Variants in FRMPD4 observed in about 807,000 individuals in gnomAD.
The protein encoded by FRMPD4 is FERM and PDZ domain containing 4, also known as FERM and PDZ domain-containing protein 4.
A neutral mutation model predicts 94.1 loss-of-function variants in FRMPD4; 22 were observed. The ratio of observed to expected loss-of-function variants is 0.23; its 90% CI spans 0.17 to 0.33. FRMPD4 has a LOEUF of 0.33. FRMPD4 is among the 10% of genes least tolerant of loss of function. The pLI, the probability that FRMPD4 is intolerant of heterozygous loss-of-function variation, is 1.00. For synonymous variants in FRMPD4, 631 were observed against 548.6 expected (o/e 1.15, Z -2.10); for missense variants, 1,111 against 1,339.9 (o/e 0.83, Z 2.67).
chrX:12,152,851 G>A (rs1031126711), intron 1 of FRMPD4, among the ~76,000 whole-genome samples: 1 of 107,996 alleles, frequency 9.3e-6, no homozygotes, highest in African/African-American at 3.4e-5. Flanking sequence ...TCAAGATAAG[G>A]TTTTCTCTGA....
intron 3 of FRMPD4, among the ~76,000 whole-genome samples, chrX:12,048,256 G>A (rs1448902240): frequency 8.9e-6 from 1 of 112,266 alleles, no homozygotes; most frequent in Admixed American, 9.4e-5. Context: ...TATTAGTGAT[G>A]TGGATCTCAT....
At chrX:12,661,881 G>C (rs769785339) in intron 4 of FRMPD4, among the ~76,000 whole-genome samples, 8 of 112,094 alleles carry the variant, frequency 7.1e-5, no homozygotes, top group African/African-American at 2.3e-4. Context: ...TTCTGAAAAT[G>C]AAGGGCAACA....
At chrX:12,056,079 A>T (rs777377089) in intron 3 of FRMPD4, among the ~76,000 whole-genome samples, 2 of 111,796 alleles carry the variant, frequency 1.8e-5, no homozygotes, top group South Asian at 7.4e-4. Flanking sequence ...TTTTCAAACC[A>T]TTTTATGTGT....
intron 1 of FRMPD4, among the ~76,000 whole-genome samples, chrX:11,841,400 C>T (rs2053535620): frequency 9.2e-6 from 1 of 109,286 alleles, no homozygotes; most frequent in Non-Finnish European, 1.9e-5. Flanking sequence ...ACATCCTCTC[C>T]AGCACCTGTT....
chrX:12,098,488 CAGA>C lies in FRMPD4; in HGVS notation c.95+220476_95+220478del, dbSNP rs1415825122. Among the ~76,000 whole-genome samples, 4 of 112,190 alleles carry C rather than the reference CAGA, an allele frequency of 3.6e-5. No individual in the cohort carries two copies. In the Admixed American group the frequency reaches 3.8e-4, roughly 11 times the overall value. On this transcript the variant is annotated intron_variant, in intron 3 of 18. Transcript: ENST00000640291. Reference sequence around the variant, plus strand: ...TGAGTGGCCTCGTGGTCAAATAAAGCAGAAGAAGTATGTTCTAACTAAGTCTCA... The same window carrying C: ...TGAGTGGCCTCGTGGTCAAATAAAGCAGAAGTATGTTCTAACTAAGTCTCA...
intron 1 of FRMPD4, among the ~76,000 whole-genome samples, chrX:12,299,540 TC>T (rs2054826332): frequency 9.4e-6 from 1 of 106,747 alleles, no homozygotes; most frequent in Non-Finnish European, 1.9e-5. Context: ...TCTGATAAAT[TC>T]TGGAAGTTAT....
chrX:11,994,610 A>G (rs2054486974), intron 3 of FRMPD4, among the ~76,000 whole-genome samples: 1 of 111,633 alleles, frequency 9.0e-6, no homozygotes, highest in Admixed American at 9.5e-5. Context: ...GTTTGTCCTC[A>G]ATTTCTTATA....
intron 1 of FRMPD4, among the ~76,000 whole-genome samples, chrX:12,489,928 A>G (rs1171541005): frequency 1.8e-5 from 2 of 111,537 alleles, no homozygotes; most frequent in Non-Finnish European, 3.8e-5. Context: ...CAACAATGTT[A>G]TAAGTCCCAT....
chrX:12,258,749 T>C (rs2054149665), intron 1 of FRMPD4, among the ~76,000 whole-genome samples: 2 of 111,896 alleles, frequency 1.8e-5, no homozygotes, highest in Admixed American at 1.9e-4. Context: ...GTATACAATG[T>C]GTAATGATCA....
chrX:12,328,122 T>C (rs141794335), intron 1 of FRMPD4, among the ~76,000 whole-genome samples: 418 of 111,736 alleles, frequency 3.7e-3, no homozygotes, highest in African/African-American at 0.013. Flanking sequence ...GCTCTCTTCC[T>C]CACAAAGAAC....
At chrX:12,412,904 A>G (rs1281423803) in intron 1 of FRMPD4, among the ~76,000 whole-genome samples, 7 of 112,136 alleles carry the variant, frequency 6.2e-5, no homozygotes, top group South Asian at 7.6e-4. Context: ...GTAGCAGGAC[A>G]TAGACATAAA....
chrX:12,020,685 G>A (rs1427581580), intron 3 of FRMPD4, among the ~76,000 whole-genome samples: 3 of 111,962 alleles, frequency 2.7e-5, no homozygotes, highest in Admixed American at 9.5e-5. Flanking sequence ...GAAATTGCAC[G>A]AGAACAAATA....
At chrX:12,326,672 C>A (rs2055293155) in intron 1 of FRMPD4, among the ~76,000 whole-genome samples, 1 of 111,744 alleles carries the variant, frequency 8.9e-6, no homozygotes, top group African/African-American at 3.3e-5. Context: ...TTCAGTGAGG[C>A]ATAATAATAT....
chrX:12,581,534 C>T (rs2148378244), intron 2 of FRMPD4, among the ~76,000 whole-genome samples: 1 of 112,013 alleles, frequency 8.9e-6, no homozygotes, highest in Admixed American at 9.4e-5. Context: ...AGAAATTTTG[C>T]TTAAACTAAT....
In FRMPD4 at chrX:11,842,224, G is replaced by A. The variant is rs1386291084; in HGVS notation, c.-161+19509G>A. 3.9e-3 allele frequency among the ~76,000 whole-genome samples: 403 copies of A among 103,281 alleles called. 6 individuals carry two copies. The highest frequency in any genetic ancestry group is 0.014 in the African/African-American group (373 of 26,345). 89.7% of individuals were successfully genotyped at this position (103,281 alleles called of 115,157 possible). On this transcript the variant is annotated intron_variant, in intron 1 of 18. Transcript: ENST00000640291. Reference sequence around the variant, plus strand: ...TCTTTTGGCTTAGGATTGACTTGGCGATGCGGGCTCTATTTTGGTTCCATA... The same window carrying A: ...TCTTTTGGCTTAGGATTGACTTGGCAATGCGGGCTCTATTTTGGTTCCATA...
At chrX:12,545,091 G>C (rs1379096976) in intron 2 of FRMPD4, among the ~76,000 whole-genome samples, 1 of 111,624 alleles carries the variant, frequency 9.0e-6, no homozygotes, top group East Asian at 2.8e-4. Context: ...TGTCTAGCCT[G>C]TCACCACAAC....
At chrX:12,329,242 G>A (rs971722022) in intron 1 of FRMPD4, among the ~76,000 whole-genome samples, 8 of 111,780 alleles carry the variant, frequency 7.2e-5, no homozygotes, top group African/African-American at 2.6e-4. Flanking sequence ...TCTGGAATGG[G>A]GGGCCTTAGG....
rs752337458 is a variant in FRMPD4 at position 12,718,276 on chromosome X, C to G, written c.3450C>G (p.Phe1150Leu). Residue 1150 changes from phenylalanine (F) to leucine (L), a missense_variant, in exon 16 of 17, where the codon TTC (phenylalanine) becomes TTG (leucine). By Grantham distance (22) the Phe-to-Leu change is conservative. Coordinates refer to ENST00000675598, the MANE Select transcript of FRMPD4 (RefSeq NM_001368397.1). ...CAGGACTTGGTCAAGGGGACCGCTTCTTAACTGACGTGACCTGTGCATCTT... is the reference window on the plus strand; with the variant it reads ...CAGGACTTGGTCAAGGGGACCGCTTGTTAACTGACGTGACCTGTGCATCTT... ...DGSGLGQGDRFLTDVTCASSA... is the reference protein window; with the variant it reads ...DGSGLGQGDRLLTDVTCASSA... The G allele has an allele frequency of 4.1e-6, 5 of 1,211,607 alleles. No homozygotes were observed. Among genetic ancestry groups the G allele is most frequent in the Non-Finnish European group, 3.4e-6 (3 of 895,261 alleles).
intron 4 of FRMPD4, among the ~76,000 whole-genome samples, chrX:12,649,523 G>A (rs1389685553): frequency 1.8e-5 from 2 of 111,549 alleles, no homozygotes; most frequent in Non-Finnish European, 3.8e-5. Context: ...AACTCGGTCT[G>A]CAGCAAGGAC....
Sources: gnomAD v4.1 joint callset for allele counts (sites outside exome capture counted in the v4.1 genomes callset) on GRCh38, gnomAD v4.1.1 for gene constraint, MANE v1.5 for transcripts, NCBI Gene and HGNC (gene_info 2026-07-23, HGNC 2026-07-21) for gene names.